TRPC7: variants seen among roughly 807,000 people sequenced by gnomAD.
TRPC7 encodes short transient receptor potential channel 7.
In TRPC7, 42 loss-of-function variants were observed where a neutral mutation model predicts 90.1. The ratio of observed to expected loss-of-function variants is 0.47; its 90% CI spans 0.36 to 0.60. The LOEUF is 0.60. Among genes scored for constraint, TRPC7 ranks in the 20% least tolerant of loss-of-function variants. TRPC7 has a pLI of 0.00. For missense variants in TRPC7, 955 were observed against 1,112.3 expected (o/e 0.86, Z 2.01); for synonymous variants, 451 against 436.3 (o/e 1.03, Z -0.42).
chr5:136,240,339 G>T (rs80150117), intron 7 of TRPC7, among the ~76,000 whole-genome samples: 2,224 of 152,190 alleles, frequency 0.015, 44 homozygotes, highest in African/African-American at 0.044. Context: ...TGTTGCTTTT[G>T]CCCCCTGCAA....
chr5:136,320,158 C>T (rs201856255), intron 2 of TRPC7, among the ~76,000 whole-genome samples: 1 of 142,766 alleles, frequency 7.0e-6, no homozygotes, highest in Non-Finnish European at 1.6e-5. Context: ...TTGTCCTAGA[C>T]AAAAAAAAAA....
chr5:136,311,766 C>A (rs796066224), intron 3 of TRPC7, among the ~76,000 whole-genome samples: 4 of 152,114 alleles, frequency 2.6e-5, no homozygotes, highest in African/African-American at 9.7e-5. Flanking sequence ...GGGGAAGAGT[C>A]GTATCCCTGA....
At chr5:136,317,468 C>A (rs563412505) in intron 2 of TRPC7, among the ~76,000 whole-genome samples, 2 of 152,280 alleles carry the variant, frequency 1.3e-5, no homozygotes, top group Non-Finnish European at 2.9e-5. Flanking sequence ...TTGCTCAGAT[C>A]TTTTCCTGGC....
chr5:136,357,353 C>G lies in TRPC7; in HGVS notation c.35G>C (p.Arg12Pro). The change falls in exon 2 of 12, where the codon CGC becomes CCC. Residue 12 changes from arginine (R) to proline (P), a missense_variant. Transcript: ENST00000513104. ...LRNSTFKNMQ[R>P]RHTTLREKGR... The stretch of plus-strand genomic sequence containing the variant: ...CTTCTCCCTCAGCGTTGTGTGCCGG[C>G]GCTGCATGTTTTTGAAGGTGCTGTT... The G allele has an allele frequency of 6.2e-7, 1 of 1,601,760 alleles. No individual in the cohort carries two copies. Among genetic ancestry groups the G allele is most frequent in the Non-Finnish European group, 8.5e-7 (1 of 1,179,426 alleles).
At chr5:136,240,077 A>C (rs1159185889) in intron 7 of TRPC7, among the ~76,000 whole-genome samples, 3 of 152,196 alleles carry the variant, frequency 2.0e-5, no homozygotes, top group African/African-American at 4.8e-5. Context: ...AGGACTTATG[A>C]AGTGCTTCAC....
chr5:136,261,077 T>C (rs138910217), intron 5 of TRPC7, among the ~76,000 whole-genome samples: 102 of 152,330 alleles, frequency 6.7e-4, no homozygotes, highest in African/African-American at 2.4e-3. Context: ...GGCCTGATGC[T>C]ACCTCATACC....
At chr5:136,315,804 G>GGTATGTCA in intron 2 of TRPC7, 25 bp from the exon 3 acceptor site, 1 of 1,605,260 alleles carries the variant, frequency 6.2e-7, no homozygotes, top group Non-Finnish European at 8.5e-7. Flanking sequence ...AGAAATCAGC[G>GGTATGTCA]GTATGTCACA....
chr5:136,346,112 G>C (rs1369700871), intron 2 of TRPC7, among the ~76,000 whole-genome samples: 1 of 152,110 alleles, frequency 6.6e-6, no homozygotes, highest in African/African-American at 2.4e-5. Flanking sequence ...GACAGCATTA[G>C]GAGATATACC....
chr5:136,282,261 A>G (rs1037758004), intron 3 of TRPC7, among the ~76,000 whole-genome samples: 1 of 152,216 alleles, frequency 6.6e-6, no homozygotes, highest in Non-Finnish European at 1.5e-5. Flanking sequence ...CCCTCATATT[A>G]TCAAATAAAA....
At chr5:136,329,295 C>G (rs1022046222) in intron 2 of TRPC7, among the ~76,000 whole-genome samples, 1 of 152,108 alleles carries the variant, frequency 6.6e-6, no homozygotes, top group Non-Finnish European at 1.5e-5. Context: ...ATTCAGCAGA[C>G]ATATTTGGGC....
rs1468810278 is a variant in TRPC7 at position 136,267,796 on chromosome 5, T to C, written c.1129-1360A>G. Reference sequence around the variant, plus strand: ...TTAAAAAATATCCAAGCATTAGGAGTCCCTGCTTGTGTTAGAATTCATCTG... The same window carrying C: ...TTAAAAAATATCCAAGCATTAGGAGCCCCTGCTTGTGTTAGAATTCATCTG... On this transcript the variant is annotated intron_variant, in intron 4 of 11. Coordinates refer to ENST00000513104, the MANE Select transcript of TRPC7 (RefSeq NM_020389.3). Among the ~76,000 whole-genome samples, 7 of 152,146 alleles carry C rather than the reference T, an allele frequency of 4.6e-5. No individual in the cohort carries two copies. In the East Asian group the frequency reaches 1.3e-3, roughly 29 times the overall value.
intron 3 of TRPC7, among the ~76,000 whole-genome samples, chr5:136,296,622 T>A (rs10060256): frequency 0.16 from 25,066 of 152,146 alleles, 3,061 homozygotes; most frequent in East Asian, 0.34. Flanking sequence ...TACTGCCAGG[T>A]GGATCAAATC....
chr5:136,355,713 G>A (rs1013450179), intron 2 of TRPC7, among the ~76,000 whole-genome samples: 4 of 152,150 alleles, frequency 2.6e-5, no homozygotes, highest in African/African-American at 9.7e-5. Flanking sequence ...CAGGAGAATG[G>A]CATGAACCCA....
chr5:136,281,350 T>C (rs986391782), intron 3 of TRPC7, among the ~76,000 whole-genome samples: 4 of 152,254 alleles, frequency 2.6e-5, no homozygotes, highest in Non-Finnish European at 5.9e-5. Flanking sequence ...ATCACTTCTT[T>C]GCCAGGACCC....
chr5:136,275,344 G>A (rs1757330765), intron 3 of TRPC7, among the ~76,000 whole-genome samples: 1 of 151,262 alleles, frequency 6.6e-6, no homozygotes, highest in Admixed American at 6.6e-5. Flanking sequence ...CTGCAAAACA[G>A]AGCTTATCAC....
chr5:136,287,340 T>C (rs1443811774), intron 3 of TRPC7, among the ~76,000 whole-genome samples: 1 of 150,312 alleles, frequency 6.7e-6, no homozygotes, highest in Non-Finnish European at 1.5e-5. Flanking sequence ...TTGGGGGGAT[T>C]AGGGCTTGGT....
intron 5 of TRPC7, among the ~76,000 whole-genome samples, chr5:136,259,321 C>G (rs139828827): frequency 5.1e-4 from 77 of 152,340 alleles, no homozygotes; most frequent in African/African-American, 1.9e-3. Flanking sequence ...CCACTGGGAA[C>G]AAGCTTACTC....
chr5:136,353,051 C>T (rs1261718121), intron 2 of TRPC7, among the ~76,000 whole-genome samples: 1 of 152,134 alleles, frequency 6.6e-6, no homozygotes, highest in Non-Finnish European at 1.5e-5. Flanking sequence ...TTATTGGGTA[C>T]CACACAAGGC....
chr5:136,267,570 T>C (rs1392939732), intron 4 of TRPC7, among the ~76,000 whole-genome samples: 1 of 152,162 alleles, frequency 6.6e-6, no homozygotes, highest in Non-Finnish European at 1.5e-5. Flanking sequence ...CTTCTCTAAG[T>C]AGAATTTTCC....
Sources: gnomAD v4.1 joint callset for allele counts (sites outside exome capture counted in the v4.1 genomes callset) on GRCh38, gnomAD v4.1.1 for gene constraint, MANE v1.5 for transcripts, NCBI Gene and HGNC (gene_info 2026-07-23, HGNC 2026-07-21) for gene names.